The following ZNF254 variants were observed in gnomAD, a reference collection of about 807,000 sequenced individuals.
ZNF254 encodes the protein CTD-2017D11.1.
Under a neutral mutation model 12.4 loss-of-function variants are expected in ZNF254, and 10 were observed. The observed-to-expected ratio is 0.80, with a 90% CI of 0.50 to 1.36. The LOEUF is 1.36. ZNF254 is among the 40% of genes most tolerant of loss of function. The pLI, the probability that ZNF254 is intolerant of heterozygous loss-of-function variation, is 0.00. For synonymous variants in ZNF254, 305 were observed against 253.4 expected (o/e 1.20, Z -1.93); for missense variants, 996 against 763.9 (o/e 1.30, Z -3.58).
In ZNF254 at chr19:24,048,768, A is replaced by G. The variant is rs531933016; in HGVS notation, c.-94+2489A>G. ...GTTGCTGTTGTTTTAGATTTCTTTC[A>G]CCTAGGCTTAAGTGCAGTTACTTGA... On this transcript the variant is annotated intron_variant, in intron 2 of 4. Transcript: ENST00000613065. Among the ~76,000 whole-genome samples, 3 of 150,138 alleles carry G rather than the reference A, an allele frequency of 2.0e-5. No homozygotes were observed. The South Asian group carries it at 6.3e-4, about 32-fold the overall frequency.
At chr19:24,049,184 TTATATATATATATATATA>T (rs1159690517) in intron 2 of ZNF254, among the ~76,000 whole-genome samples, 5 of 63,172 alleles carry the variant, frequency 7.9e-5, no homozygotes, top group East Asian at 6.3e-4. Flanking sequence ...GGCTCTGGTT[TTATATATATATATATATA>T]TATATATATA....
chr19:24,126,112 C>A, intron 3 of ZNF254, 142 bp from the exon 4 acceptor site: 1 of 500,142 alleles, frequency 2.0e-6, no homozygotes. Flanking sequence ...ACATTTATGT[C>A]TATGAAAGAA....
intron 2 of ZNF254, among the ~76,000 whole-genome samples, chr19:24,049,214 A>ATATATATTTTTTTT (rs1160333151): frequency 3.9e-4 from 16 of 40,828 alleles, no homozygotes; most frequent in Non-Finnish European, 4.9e-4. Flanking sequence ...ATATATATAT[A>ATATATATTTTTTTT]TTTTTTTTTT....
chr19:24,064,858 C>G (rs1368884979), intron 2 of ZNF254, among the ~76,000 whole-genome samples: 2 of 152,152 alleles, frequency 1.3e-5, no homozygotes, highest in Non-Finnish European at 2.9e-5. Flanking sequence ...TCTCTGGGTC[C>G]AACAACATTA....
At chr19:24,056,651 C>T (rs1970867890) in intron 2 of ZNF254, among the ~76,000 whole-genome samples, 1 of 152,184 alleles carries the variant, frequency 6.6e-6, no homozygotes. Context: ...CTCTCCTTTT[C>T]TACCAAGGTT....
upstream of ZNF254, among the ~76,000 whole-genome samples, chr19:24,084,524 A>G (rs1356891540): frequency 6.6e-6 from 1 of 152,110 alleles, no homozygotes; most frequent in Admixed American, 6.6e-5. Flanking sequence ...CATGTATCCA[A>G]ACATCTTCTG....
chr19:24,079,882 T>A (rs1971788755), intron 2 of ZNF254: 1 of 152,148 alleles, frequency 6.6e-6, no homozygotes, highest in Admixed American at 6.6e-5. Context: ...AAGAAATGTA[T>A]GAAAAAACCT....
chr19:24,040,740 G>C (rs947573593), intron 1 of ZNF254, among the ~76,000 whole-genome samples: 1 of 152,206 alleles, frequency 6.6e-6, no homozygotes, highest in Non-Finnish European at 1.5e-5. Flanking sequence ...ATGTGTACAT[G>C]TTGTTCAAAT....
At chr19:24,120,010 G>T (rs923548587) in intron 3 of ZNF254, among the ~76,000 whole-genome samples, 1 of 151,992 alleles carries the variant, frequency 6.6e-6, no homozygotes, top group African/African-American at 2.4e-5. Context: ...TCATGCTGCT[G>T]ATAAAGACAT....
At chr19:24,049,199 TA>T (rs1568426339) in intron 2 of ZNF254, among the ~76,000 whole-genome samples, 779 of 67,234 alleles carry the variant, frequency 0.012, 17 homozygotes, top group South Asian at 0.032. Flanking sequence ...TATATATATA[TA>T]TATATATATA....
intron 1 of ZNF254, among the ~76,000 whole-genome samples, chr19:24,043,424 G>A (rs778850286): frequency 6.6e-6 from 1 of 151,998 alleles, no homozygotes; most frequent in Non-Finnish European, 1.5e-5. Flanking sequence ...ACCATGCCTG[G>A]CTAATTTTTG....
intron 2 of ZNF254, among the ~76,000 whole-genome samples, chr19:24,075,955 GT>G (rs1306115228): frequency 6.6e-6 from 1 of 152,194 alleles, no homozygotes; most frequent in East Asian, 1.9e-4. Context: ...AAAAAGAGAA[GT>G]ATGACTCTGT....
intron 1 of ZNF254, among the ~76,000 whole-genome samples, chr19:24,094,709 T>C (rs980590657): frequency 6.6e-6 from 1 of 151,706 alleles, no homozygotes; most frequent in African/African-American, 2.4e-5. Context: ...CTTTTTGAGA[T>C]AGAGTCTCAC....
intron 1 of ZNF254, among the ~76,000 whole-genome samples, chr19:24,094,956 G>C (rs1304449673): frequency 6.6e-6 from 1 of 152,178 alleles, no homozygotes; most frequent in Non-Finnish European, 1.5e-5. Context: ...CAAGTTGCTG[G>C]AATTACAGGC....
At chr19:24,041,058 G>GA (rs1189254794) in intron 1 of ZNF254, among the ~76,000 whole-genome samples, 6 of 152,234 alleles carry the variant, frequency 3.9e-5, no homozygotes, top group Non-Finnish European at 7.3e-5. Context: ...CGAAGCTTGA[G>GA]AAGCAATGGT....
upstream of ZNF254, among the ~76,000 whole-genome samples, chr19:24,085,020 C>T (rs1688449473): frequency 6.6e-6 from 1 of 150,658 alleles, no homozygotes; most frequent in Non-Finnish European, 1.5e-5. Context: ...TCAACCTCCT[C>T]CTGTCAGGTT....
Position 24,127,559 on chromosome 19 carries a change from G to T in ZNF254, c.1559G>T (p.Cys520Phe). ...CATACTGGAGAGAAACCCTACAAAT[G>T]TGAAGAATGTGGCAAAGCCTTTAAC... ...IIHTGEKPYK[C>F]EECGKAFNWS... Residue 520 changes from cysteine to phenylalanine, a missense_variant, in exon 4 of 4, where the codon TGT (cysteine) becomes TTT (phenylalanine). Transcript: ENST00000357002. The T allele has an allele frequency of 6.2e-7, 1 of 1,613,580 alleles. No individual in the cohort carries two copies. Among genetic ancestry groups the T allele is most frequent in the Non-Finnish European group, 8.5e-7 (1 of 1,179,824 alleles).
At chr19:24,088,415 T>C (rs1254896065) in intron 1 of ZNF254, among the ~76,000 whole-genome samples, 1 of 151,978 alleles carries the variant, frequency 6.6e-6, no homozygotes, top group Non-Finnish European at 1.5e-5. Context: ...ACTTAATTAT[T>C]TTCACACTCC....
chr19:24,127,304 A>T lies in ZNF254; in HGVS notation c.1304A>T (p.Lys435Met), dbSNP rs774917767. The T allele has an allele frequency of 1.2e-6, 2 of 1,613,768 alleles. No homozygotes were observed. The highest frequency in any genetic ancestry group is 1.7e-6 in the Non-Finnish European group (2 of 1,179,842). ...ATTCATACTGGAGAGAAACCTTACA[A>T]GTGTGAAGAATGTGGCAAAGCATTT... ...KIIHTGEKPY[K>M]CEECGKAFIW... The change falls in exon 4 of 4, where the codon AAG (lysine) becomes ATG (methionine). Residue 435 changes from lysine (K) to methionine (M), a missense_variant. Coordinates refer to ENST00000357002, the MANE Select transcript of ZNF254 (RefSeq NM_203282.4).
Sources: gnomAD v4.1 joint callset for allele counts (sites outside exome capture counted in the v4.1 genomes callset) on GRCh38, gnomAD v4.1.1 for gene constraint, MANE v1.5 for transcripts, NCBI Gene and HGNC (gene_info 2026-07-23, HGNC 2026-07-21) for gene names.